The following DST variants were observed in gnomAD, a reference collection of about 807,000 sequenced individuals.
DST encodes dystonin.
Under a neutral mutation model 875.2 loss-of-function variants are expected in DST, and 253 were observed. The observed-to-expected ratio is 0.29, with a 90% confidence interval of 0.26 to 0.32. The LOEUF (loss-of-function observed/expected upper bound fraction) is 0.32. Ranked by LOEUF, DST falls within the 10% of genes least tolerant of loss-of-function variation. The pLI is 1.00. For synonymous variants in DST, 3,124 were observed against 3,197.1 expected (o/e 0.98, Z 0.77); for missense variants, 8,287 against 9,111.6 (o/e 0.91, Z 3.68).
intron 4 of DST, among the ~76,000 whole-genome samples, chr6:56,736,272 C>T (rs1389441578): frequency 1.3e-5 from 2 of 152,118 alleles, no homozygotes; most frequent in Admixed American, 1.3e-4. Context: ...GGACAGTGAT[C>T]CTGCCCTGGT....
chr6:56,833,940 A>C lies in DST; in HGVS notation c.625+17457T>G, dbSNP rs555252394. On this transcript the variant is annotated intron_variant, in intron 4 of 103. Transcript: ENST00000680361. ...AAAAAAAAAAAAATTTAAAGTGGGC[A>C]AAAGGGCCAGACATGATGGCTCATA... Among the ~76,000 whole-genome samples the C allele has an allele frequency of 2.5e-4, 38 of 152,298 alleles. 1 individual carries two copies. In the South Asian group the frequency reaches 7.9e-3, roughly 32 times the overall value.
chr6:56,598,743 A>G (rs544452001), intron 45 of DST, 34 bp from the exon 46 acceptor site: 14 of 1,304,294 alleles, frequency 1.1e-5, no homozygotes, highest in Admixed American at 2.2e-5. Context: ...ATATTTTATT[A>G]AATTATTACC....
chr6:56,584,819 G>C (rs1489259584), intron 49 of DST, among the ~76,000 whole-genome samples: 2 of 152,078 alleles, frequency 1.3e-5, no homozygotes, highest in African/African-American at 4.8e-5. Flanking sequence ...GTTGAATTTT[G>C]TCAAAGGCCT....
At chr6:56,843,236 G>T in intron 4 of DST, 1 of 1,324,394 alleles carries the variant, frequency 7.6e-7, no homozygotes, top group Non-Finnish European at 9.8e-7. Context: ...ACAGCCTTGG[G>T]AACTGGAAAA....
At chr6:56,558,520 G>A (rs573487966) in intron 58 of DST, among the ~76,000 whole-genome samples, 18 of 152,098 alleles carry the variant, frequency 1.2e-4, no homozygotes, top group Admixed American at 3.9e-4. Flanking sequence ...CTGATCCCAG[G>A]AGCACACTTG....
chr6:56,487,049 T>G (rs2095594371), intron 87 of DST, 55 bp downstream of exon 87: 1 of 1,560,516 alleles, frequency 6.4e-7, no homozygotes. Flanking sequence ...GCACCATTAC[T>G]GTGTATTTGA....
chr6:56,661,644 T>C (rs1376941205), intron 10 of DST, among the ~76,000 whole-genome samples: 2 of 151,830 alleles, frequency 1.3e-5, no homozygotes, highest in Non-Finnish European at 2.9e-5. Context: ...TGGAGTGCAA[T>C]GGTGCCATCT....
At chr6:56,503,462 G>T (rs1046209519) in intron 78 of DST, among the ~76,000 whole-genome samples, 4 of 151,848 alleles carry the variant, frequency 2.6e-5, no homozygotes. Flanking sequence ...ATCAGGAAAA[G>T]AAAAATGATG....
At chr6:56,832,301 T>G in intron 4 of DST, among the ~76,000 whole-genome samples, 1 of 152,172 alleles carries the variant, frequency 6.6e-6, no homozygotes, top group Non-Finnish European at 1.5e-5. Context: ...GGGCAAGTCT[T>G]TTCCATGTTG....
chr6:56,626,554 G>A (rs973790232), intron 34 of DST, among the ~76,000 whole-genome samples: 4 of 152,114 alleles, frequency 2.6e-5, no homozygotes, highest in East Asian at 1.9e-4. Flanking sequence ...ACTCTACAAT[G>A]TTCGCACAAT....
chr6:56,573,710 G>T lies in DST; in HGVS notation c.13205C>A (p.Thr4402Asn), dbSNP rs572044005. ...KEQGQVPLNS[T>N]ALQDIISKNI... ...TTTACTGATAATATCCTGAAGAGCAGTAGAGTTTAAAGGCACTTGACCTTG... is the reference window on the plus strand; with the variant it reads ...TTTACTGATAATATCCTGAAGAGCATTAGAGTTTAAAGGCACTTGACCTTG... The change falls in exon 51 of 104, where the codon ACT becomes AAT. Residue 4402 changes from threonine to asparagine, a missense_variant. By Grantham distance (65) the Thr-to-Asn change is moderately conservative. This residue lies in a region of DST where 1,513 missense variants were observed against 1,677.8 expected (regional missense o/e 0.90). Transcript: ENST00000680361. 1 of 1,613,442 alleles carries T rather than the reference G, an allele frequency of 6.2e-7. No individual in the cohort carries two copies. Among genetic ancestry groups the T allele is most frequent in the South Asian group, 1.1e-5 (1 of 91,070 alleles).
chr6:56,495,832 T>C (rs2095883001), intron 82 of DST, among the ~76,000 whole-genome samples: 1 of 152,166 alleles, frequency 6.6e-6, no homozygotes, highest in African/African-American at 2.4e-5. Context: ...AAACTACTGA[T>C]GGTGATTGTG....
At chr6:56,624,301 A>C (rs1359464533) in intron 36 of DST, 3 of 629,244 alleles carry the variant, frequency 4.8e-6, no homozygotes, top group Non-Finnish European at 8.5e-6. Flanking sequence ...TGAAAATGTA[A>C]AGTCATGAAG....
At chr6:56,507,258 A>G (rs1001121332) in intron 75 of DST, among the ~76,000 whole-genome samples, 1 of 152,230 alleles carries the variant, frequency 6.6e-6, no homozygotes, top group African/African-American at 2.4e-5. Context: ...TGTAAGGTAC[A>G]AAGATACCAC....
chr6:56,926,765 C>CT (rs377155337), intron 2 of DST, among the ~76,000 whole-genome samples: 48,672 of 151,620 alleles, frequency 0.32, 9,119 homozygotes, highest in African/African-American at 0.52. Context: ...CTTATTAAAT[C>CT]GTGTAACTAA....
At chr6:56,634,367 T>C in intron 26 of DST, 95 bp downstream of exon 26, 4 of 1,607,866 alleles carry the variant, frequency 2.5e-6, no homozygotes, top group Non-Finnish European at 3.4e-6. Context: ...TAGAGACTTT[T>C]GATCCTGTGG....
chr6:56,629,318 G>A lies in DST; in HGVS notation c.4407C>T (p.Asp1469=). The change falls in exon 32 of 104, where the codon GAC becomes GAT. Residue 1469 remains aspartate, a synonymous_variant. Coordinates refer to ENST00000680361, the MANE Select transcript of DST (RefSeq NM_001374736.1). The stretch of plus-strand genomic sequence containing the variant: ...ATTGATCTGCTTTTTCTTTGTGCCA[G>A]TCAAAATCAAGGTCCCGTTCTTTAT... The part of the protein sequence containing the change: ...KTYKERDLDF[D]WHKEKADQLV... 1.2e-6 allele frequency: 2 copies of A among 1,613,718 alleles called. No individual in the cohort carries two copies. Among genetic ancestry groups the A allele is most frequent in the Non-Finnish European group, 1.7e-6 (2 of 1,179,772 alleles).
At chr6:56,906,906 A>G (rs1025237380) in intron 2 of DST, among the ~76,000 whole-genome samples, 2 of 152,176 alleles carry the variant, frequency 1.3e-5, no homozygotes, top group African/African-American at 2.4e-5. Context: ...ATCCTAACAG[A>G]TGTGAGGTGA....
rs2095420887 is a variant in DST, at chr6:56,482,116, G to C, written c.21465C>G (p.Thr7155=). ...CTGGGAGGACACCATGGAAACGCAGGGTTTGCTCCGCCTCAGCCAGCCACT... is the reference window on the plus strand; with the variant it reads ...CTGGGAGGACACCATGGAAACGCAGCGTTTGCTCCGCCTCAGCCAGCCACT... ...LLEWLAEAEQ[T]LRFHGVLPDD... Residue 7155 remains threonine (T), a synonymous_variant, in exon 90 of 104, where the codon ACC becomes ACG. Coordinates refer to ENST00000680361, the MANE Select transcript of DST (RefSeq NM_001374736.1). The C allele has an allele frequency of 6.8e-6, 11 of 1,613,526 alleles. No individual in the cohort carries two copies. The highest frequency in any genetic ancestry group is 8.5e-6 in the Non-Finnish European group (10 of 1,179,744).
Sources: gnomAD v4.1 joint callset for allele counts (sites outside exome capture counted in the v4.1 genomes callset) on GRCh38, gnomAD v4.1.1 for gene constraint, gnomAD v4.1.1 regional missense constraint, MANE v1.5 for transcripts, NCBI Gene and HGNC (gene_info 2026-07-23, HGNC 2026-07-21) for gene names.